The following CNTRL variants were observed in gnomAD, a reference collection of about 807,000 sequenced individuals.
CNTRL encodes the protein centriolin.
A neutral mutation model predicts 303.7 loss-of-function variants in CNTRL; 233 were observed. The observed-to-expected ratio is 0.77, with a 90% CI of 0.69 to 0.86. The LOEUF is 0.86. Ranked by LOEUF, CNTRL falls within the 40% of genes least tolerant of loss-of-function variation. The pLI is 0.00. For missense variants in CNTRL, 2,524 were observed against 2,650.6 expected (o/e 0.95, Z 1.05); for synonymous variants, 900 against 922.2 (o/e 0.98, Z 0.44).
Position 121,098,369 on chromosome 9 carries a change from A to G in CNTRL, c.622-17A>G, listed in dbSNP as rs1224515464. On this transcript the variant is annotated splice_polypyrimidine_tract_variant and intron_variant, in intron 6 of 43. Coordinates refer to ENST00000373855, the MANE Select transcript of CNTRL (RefSeq NM_007018.6). The stretch of plus-strand genomic sequence containing the variant: ...TTTAAATTAAATTATACCAATACTA[A>G]TGTTATATCATTTCAGCTCCAAGAT... 3 of 1,523,498 alleles carry G rather than the reference A, an allele frequency of 2.0e-6. No homozygotes were observed. The highest frequency in any genetic ancestry group is 3.4e-4 in the Middle Eastern group (2 of 5,856). The allele number at this position is 1,523,498 out of a possible 1,614,324, so 94.4% of individuals were successfully genotyped here.
At chr9:121,119,109 T>C (rs942472382) in intron 12 of CNTRL, among the ~76,000 whole-genome samples, 25 of 151,218 alleles carry the variant, frequency 1.7e-4, no homozygotes, top group African/African-American at 6.1e-4. Context: ...TGTGTGTGTA[T>C]ACACACACAT....
rs775639168 is a variant in CNTRL, at chr9:121,166,195, T to C, written c.5655+15T>C. On this transcript the variant is annotated intron_variant, in intron 36 of 43. Coordinates refer to ENST00000373855, the MANE Select transcript of CNTRL (RefSeq NM_007018.6). ...TAGCAAAACAGGTAAGGTTAACAAA[T>C]GTAATATTCTAGTAGTATACTGAGG... 8 of 1,585,508 alleles carry C rather than the reference T, an allele frequency of 5.0e-6. No homozygotes were observed. In the South Asian group the frequency reaches 6.7e-5, roughly 13 times the overall value.
intron 19 of CNTRL, among the ~76,000 whole-genome samples, chr9:121,143,505 A>G (rs1296335530): frequency 6.6e-6 from 1 of 152,128 alleles, no homozygotes; most frequent in African/African-American, 2.4e-5. Flanking sequence ...CGAGGCCTAC[A>G]TGATTTGCCT....
chr9:121,103,614 C>A (rs2049297095), intron 7 of CNTRL, among the ~76,000 whole-genome samples: 1 of 152,142 alleles, frequency 6.6e-6, no homozygotes, highest in Non-Finnish European at 1.5e-5. Context: ...GAACAGGCAA[C>A]CTACAGAATG....
Position 121,158,850 on chromosome 9 carries a change from T to A in CNTRL, c.4765-5T>A. On this transcript the variant is annotated splice_region_variant and splice_polypyrimidine_tract_variant and intron_variant, in intron 30 of 43. Coordinates refer to ENST00000373855, the MANE Select transcript of CNTRL (RefSeq NM_007018.6). ...AAACTTACTCTTCCCTTTTCTTTAA[T>A]ACAGGTGACAAGTCAGCAGCAGGAG... 1 of 1,613,766 alleles carries A rather than the reference T, an allele frequency of 6.2e-7. No individual in the cohort carries two copies. Among genetic ancestry groups the A allele is most frequent in the Non-Finnish European group, 8.5e-7 (1 of 1,179,790 alleles).
intron 40 of CNTRL, among the ~76,000 whole-genome samples, chr9:121,172,036 T>C (rs1195011829): frequency 1.3e-5 from 2 of 152,200 alleles, no homozygotes; most frequent in Non-Finnish European, 2.9e-5. Flanking sequence ...GGGCCATCCC[T>C]GAACTCTAGT....
At chr9:121,094,170 A>G (rs1315331693) in intron 4 of CNTRL, among the ~76,000 whole-genome samples, 1 of 138,144 alleles carries the variant, frequency 7.2e-6, no homozygotes, top group Non-Finnish European at 1.5e-5. Flanking sequence ...TTAGTCTCTT[A>G]GTCCATTTTC....
In CNTRL at chr9:121,158,979, T is replaced by G; in HGVS notation, c.4889T>G (p.Leu1630Arg). The G allele has an allele frequency of 6.2e-7, 1 of 1,614,168 alleles. No individual in the cohort carries two copies. Among genetic ancestry groups the G allele is most frequent in the Non-Finnish European group, 8.5e-7 (1 of 1,180,014 alleles). Reference protein sequence around the residue: ...AKADLQEALRLGETEVTEKCN... With the variant: ...AKADLQEALRRGETEVTEKCN... ...GCTGACCTCCAGGAAGCTCTGAGAC[T>G]GGGAGAGACTGAAGTAACTGAGAAG... The change falls in exon 31 of 44, where the codon CTG becomes CGG. Residue 1630 changes from leucine to arginine, a missense_variant. Transcript: ENST00000373855.
intron 1 of CNTRL, among the ~76,000 whole-genome samples, chr9:121,078,367 C>T (rs2048010781): frequency 1.3e-5 from 2 of 152,176 alleles, no homozygotes; most frequent in African/African-American, 4.8e-5. Flanking sequence ...GAGATCACAC[C>T]ACCGCACTCC....
At chr9:121,176,658 A>C (rs1485602201) in intron 43 of CNTRL, among the ~76,000 whole-genome samples, 1 of 152,190 alleles carries the variant, frequency 6.6e-6, no homozygotes, top group Admixed American at 6.5e-5. Context: ...CAACCAACGC[A>C]CAGTGGGTAG....
intron 43 of CNTRL, 133 bp downstream of exon 43, chr9:121,175,357 C>T: frequency 1.3e-6 from 1 of 777,870 alleles, no homozygotes; most frequent in Non-Finnish European, 2.2e-6. Context: ...GCCTTGACCT[C>T]CCAGGCTCAA....
In CNTRL at chr9:121,113,706, GAAAA is replaced by G. The variant is rs747099268; in HGVS notation, c.1333_1336del (p.Lys445Ter). 1 of 1,480,832 alleles carries G rather than the reference GAAAA, an allele frequency of 6.8e-7. No individual in the cohort carries two copies. Among genetic ancestry groups the G allele is most frequent in the African/African-American group, 1.5e-5 (1 of 68,288 alleles). 91.7% of individuals were successfully genotyped at this position (1,480,832 alleles called of 1,614,324 possible). On this transcript the variant is annotated frameshift_variant, in exon 10 of 44. Transcript: ENST00000373855. LOFTEE classifies it high-confidence loss of function. ...ACTGGACACGCAACTGGAAGACAAA[GAAAA>G]AAAAATAAGTGCAGGTTAAAAAAAG...
At position 121,143,861 on chromosome 9, in the gene CNTRL, C is replaced by G. The variant is rs750843414; in HGVS notation, c.2872-42C>G. ...GAGCTTACATCTGAATTCATTCCTG[C>G]CAAATGATTCATCTGTTTAATTAAT... On this transcript the variant is annotated intron_variant, in intron 19 of 43. Coordinates refer to ENST00000373855, the MANE Select transcript of CNTRL (RefSeq NM_007018.6). 7.4e-6 allele frequency: 11 copies of G among 1,490,318 alleles called. No homozygotes were observed. In the East Asian group the frequency reaches 2.5e-4, roughly 34 times the overall value. 92.3% of individuals were successfully genotyped at this position (1,490,318 alleles called of 1,614,324 possible). A position where few individuals can be genotyped will look rare whatever the true frequency, so the allele number is the denominator to read the frequency against.
At chr9:121,119,016 G>T (rs915281175) in intron 12 of CNTRL, among the ~76,000 whole-genome samples, 1 of 151,664 alleles carries the variant, frequency 6.6e-6, no homozygotes, top group African/African-American at 2.4e-5. Flanking sequence ...AAGGAAAACT[G>T]TACATATATG....
At chr9:121,163,120 A>G in intron 34 of CNTRL, among the ~76,000 whole-genome samples, 1 of 151,378 alleles carries the variant, frequency 6.6e-6, no homozygotes, top group Non-Finnish European at 1.5e-5. Flanking sequence ...CAGGAGGATC[A>G]CTTGAGCCCA....
chr9:121,113,634 G>C lies in CNTRL; in HGVS notation c.1255G>C (p.Asp419His). The C allele has an allele frequency of 6.2e-7, 1 of 1,609,162 alleles. No homozygotes were observed. Among genetic ancestry groups the C allele is most frequent in the Non-Finnish European group, 8.5e-7 (1 of 1,178,412 alleles). Reference sequence around the variant, plus strand: ...AGTACAGATCAAGAAGATGGAGCCAGATGAACAACTTAGAAATGATCACAT... The same window carrying C: ...AGTACAGATCAAGAAGATGGAGCCACATGAACAACTTAGAAATGATCACAT... ...QAVQIKKMEPDEQLRNDHMNL... is the reference protein window; with the variant it reads ...QAVQIKKMEPHEQLRNDHMNL... The change falls in exon 10 of 44, where the codon GAT becomes CAT. Residue 419 changes from aspartate (D) to histidine (H), a missense_variant. Physicochemically the swap from Asp to His is moderately conservative, Grantham distance 81. Coordinates refer to ENST00000373855, the MANE Select transcript of CNTRL (RefSeq NM_007018.6).
At chr9:121,155,967 T>A (rs1267389357) in intron 27 of CNTRL, among the ~76,000 whole-genome samples, 1 of 152,136 alleles carries the variant, frequency 6.6e-6, no homozygotes, top group Non-Finnish European at 1.5e-5. Flanking sequence ...AGGAACTAAA[T>A]TATTTATTAA....
chr9:121,118,048 G>A (rs1002875450), intron 11 of CNTRL, among the ~76,000 whole-genome samples: 4 of 151,482 alleles, frequency 2.6e-5, no homozygotes, highest in Non-Finnish European at 4.4e-5. Context: ...TATAAAGTTG[G>A]CTATTATTAA....
In CNTRL at chr9:121,115,116, T is replaced by C; in HGVS notation, c.1371T>C (p.His457=). ...SAAQTRLSEL[H]DEIEKAEQQI... ...CACAAACTCGACTATCAGAACTGCA[T>C]GATGAAATAGAAAAGGCAGAACAAC... Residue 457 remains histidine (H), a synonymous_variant, in exon 11 of 44, where the codon CAT becomes CAC. Coordinates refer to ENST00000373855, the MANE Select transcript of CNTRL (RefSeq NM_007018.6). 1 of 1,609,422 alleles carries C rather than the reference T, an allele frequency of 6.2e-7. No homozygotes were observed. Among genetic ancestry groups the C allele is most frequent in the East Asian group, 2.2e-5 (1 of 44,594 alleles).
Sources: allele counts gnomAD v4.1 joint callset (sites outside exome capture counted in the v4.1 genomes callset), GRCh38; gene constraint gnomAD v4.1.1; transcripts MANE v1.5; gene names NCBI Gene and HGNC (gene_info 2026-07-23, HGNC 2026-07-21).